The following ARHGEF7 variants were observed in gnomAD, a reference collection of about 807,000 sequenced individuals.
ARHGEF7 encodes PAK-interacting exchange factor beta.
A neutral mutation model predicts 109.8 loss-of-function variants in ARHGEF7; 33 were observed. The observed-to-expected ratio is 0.30, with a 90% CI of 0.23 to 0.40. The LOEUF (loss-of-function observed/expected upper bound fraction) is 0.40. Among genes scored for constraint, ARHGEF7 ranks in the 10% least tolerant of loss-of-function variants. The probability of loss-of-function intolerance (pLI) is 1.00; values close to 1 mark genes in which losing one functional copy is unlikely to be tolerated. For synonymous variants in ARHGEF7, 458 were observed against 424.6 expected (o/e 1.08, Z -0.97); for missense variants, 938 against 1,098.5 (o/e 0.85, Z 2.07).
At chr13:111,202,408 C>G (rs2081308560) in intron 2 of ARHGEF7, among the ~76,000 whole-genome samples, 1 of 152,168 alleles carries the variant, frequency 6.6e-6, no homozygotes, top group Non-Finnish European at 1.5e-5. Context: ...CCTTTTACAG[C>G]CCCCCAGGAG....
Position 111,115,436 on chromosome 13 carries a change from G to A in ARHGEF7, c.-91G>A. 1 of 804,870 alleles carries A rather than the reference G, an allele frequency of 1.2e-6. No homozygotes were observed. Among genetic ancestry groups the A allele is most frequent in the Non-Finnish European group, 1.5e-6 (1 of 667,452 alleles). The allele number at this position is 804,870 out of a possible 1,614,324, so 49.9% of individuals were successfully genotyped here. A position where few individuals can be genotyped will look rare whatever the true frequency, so the allele number is the denominator to read the frequency against. Reference sequence around the variant, plus strand: ...CGGCGCCGGCCGCTCGATGGGCGAGGCGGCGGCGGCGGCGGCGGGGGCCGC... The same window carrying A: ...CGGCGCCGGCCGCTCGATGGGCGAGACGGCGGCGGCGGCGGCGGGGGCCGC... On this transcript the variant is annotated 5_prime_UTR_variant, in exon 1 of 22. Coordinates refer to ENST00000646102, the MANE Select transcript of ARHGEF7 (RefSeq NM_001354046.2).
chr13:111,208,838 G>A (rs1333556716), intron 3 of ARHGEF7, among the ~76,000 whole-genome samples: 5 of 152,282 alleles, frequency 3.3e-5, no homozygotes, highest in South Asian at 2.1e-4. Flanking sequence ...GGCAGGTGGC[G>A]TGAAGGGAGG....
chr13:111,276,390 C>T (rs144374933), intron 12 of ARHGEF7, among the ~76,000 whole-genome samples: 1,599 of 152,320 alleles, frequency 0.01, 15 homozygotes, highest in Non-Finnish European at 0.018. Context: ...TTCCTTTCCA[C>T]CTGTAAAATA....
Position 111,277,445 on chromosome 13 carries a change from A to G in ARHGEF7, c.1420-142A>G. 2 of 591,216 alleles carry G rather than the reference A, an allele frequency of 3.4e-6. 1 individual carries two copies. The highest frequency in any genetic ancestry group is 4.4e-5 in the South Asian group (2 of 45,362). The allele number at this position is 591,216 out of a possible 1,614,324, so 36.6% of individuals were successfully genotyped here. On this transcript the variant is annotated intron_variant, in intron 12 of 21. Coordinates refer to ENST00000646102, the MANE Select transcript of ARHGEF7 (RefSeq NM_001354046.2). ...TAATTGTTTCCATTTAATTTACCTG[A>G]TAAAACTTGATAGAAATACCTAAAC...
chr13:111,202,265 G>A (rs139077397), intron 2 of ARHGEF7, among the ~76,000 whole-genome samples: 2 of 152,350 alleles, frequency 1.3e-5, no homozygotes, highest in Non-Finnish European at 2.9e-5. Context: ...CTTCAGCTGG[G>A]CAGGATTCCT....
At chr13:111,124,791 A>G (rs1363712416) in intron 1 of ARHGEF7, among the ~76,000 whole-genome samples, 2 of 151,368 alleles carry the variant, frequency 1.3e-5, no homozygotes, top group Non-Finnish European at 2.9e-5. Context: ...ACAGAATCTC[A>G]CTCTGTCACC....
chr13:111,239,424 T>C lies in ARHGEF7; in HGVS notation c.760-4448T>C, dbSNP rs924430449. Among the ~76,000 whole-genome samples, 1 of 152,162 alleles carries C rather than the reference T, an allele frequency of 6.6e-6. No individual in the cohort carries two copies. Among genetic ancestry groups the C allele is most frequent in the African/African-American group, 2.4e-5 (1 of 41,448 alleles). ...ACCTGTCTTTTCCTCCCTGCTCCTT[T>C]AGTTTGCGATGGCCTTCAGATGCCA... On this transcript the variant is annotated intron_variant, in intron 6 of 21. Coordinates refer to ENST00000646102, the MANE Select transcript of ARHGEF7 (RefSeq NM_001354046.2). The surrounding 1 kb of genome is among the most constrained non-coding windows in gnomAD (Gnocchi z 4.3).
chr13:111,242,676 G>A (rs752539388), intron 6 of ARHGEF7, among the ~76,000 whole-genome samples: 3 of 152,218 alleles, frequency 2.0e-5, no homozygotes, highest in African/African-American at 7.2e-5. Context: ...GATCCTCAGC[G>A]TGCTCCTCAG....
intron 5 of ARHGEF7, among the ~76,000 whole-genome samples, chr13:111,220,348 A>T (rs1274850937): frequency 6.6e-6 from 1 of 152,182 alleles, no homozygotes; most frequent in African/African-American, 2.4e-5. Flanking sequence ...GGTCTTTCTG[A>T]CTTTCTTTAA....
At chr13:111,284,132 G>A (rs2092915235) in intron 16 of ARHGEF7, among the ~76,000 whole-genome samples, 1 of 152,110 alleles carries the variant, frequency 6.6e-6, no homozygotes, top group African/African-American at 2.4e-5. Flanking sequence ...AGGAGTGGCG[G>A]TGAGAGTGTG....
At chr13:111,236,966 T>C (rs535956187) in intron 6 of ARHGEF7, among the ~76,000 whole-genome samples, 48 of 152,214 alleles carry the variant, frequency 3.2e-4, no homozygotes, top group African/African-American at 9.6e-4. Context: ...ATTGTGTCCC[T>C]AAAAAACCAA....
At chr13:111,277,104 C>A (rs1241833508) in intron 12 of ARHGEF7, among the ~76,000 whole-genome samples, 1 of 152,176 alleles carries the variant, frequency 6.6e-6, no homozygotes, top group Non-Finnish European at 1.5e-5. Flanking sequence ...TTGATTTTAA[C>A]ATTTTATCCT....
intron 18 of ARHGEF7, among the ~76,000 whole-genome samples, chr13:111,290,463 T>C (rs938814219): frequency 6.6e-6 from 1 of 152,230 alleles, no homozygotes; most frequent in African/African-American, 2.4e-5. Context: ...TGCCATCTTA[T>C]ATCAGGGACT....
chr13:111,293,236 T>A, intron 19 of ARHGEF7: 1 of 985,406 alleles, frequency 1.0e-6, no homozygotes, highest in South Asian at 4.7e-5. Context: ...GTGCTGTGGC[T>A]TCAGTTCCCC....
intron 10 of ARHGEF7, among the ~76,000 whole-genome samples, chr13:111,274,506 G>A (rs904185490): frequency 2.0e-5 from 3 of 152,154 alleles, no homozygotes; most frequent in Non-Finnish European, 4.4e-5. Flanking sequence ...GCAAGTGTTG[G>A]CTTCCCCACC....
At chr13:111,148,917 G>A (rs1291771177) in intron 1 of ARHGEF7, among the ~76,000 whole-genome samples, 1 of 152,162 alleles carries the variant, frequency 6.6e-6, no homozygotes, top group East Asian at 1.9e-4. Flanking sequence ...AGACTTCAAA[G>A]AGTTAAGATA....
chr13:111,251,843 C>T (rs1378924960), intron 8 of ARHGEF7, among the ~76,000 whole-genome samples: 1 of 152,214 alleles, frequency 6.6e-6, no homozygotes, highest in Non-Finnish European at 1.5e-5. Context: ...GTGTGGGTCA[C>T]CACCTTCACA....
chr13:111,151,965 T>G (rs2075909474), intron 1 of ARHGEF7, among the ~76,000 whole-genome samples: 1 of 152,180 alleles, frequency 6.6e-6, no homozygotes, highest in South Asian at 2.1e-4. Flanking sequence ...CTGTTCTGCT[T>G]GTGTCCATAT....
rs375301137 is a variant in ARHGEF7, at chr13:111,292,227, C to T, written c.2244C>T (p.Asp748=). Residue 748 remains aspartate, a synonymous_variant, in exon 19 of 22, where the codon GAC becomes GAT. Transcript: ENST00000646102. ...GCCTTTCTCGTTTGGAGCCTTCAGACCTCTCGGAAGACTCTGACTATGACA... is the reference window on the plus strand; with the variant it reads ...GCCTTTCTCGTTTGGAGCCTTCAGATCTCTCGGAAGACTCTGACTATGACA... ...RSSLSRLEPS[D]LSEDSDYDSI... The T allele has an allele frequency of 1.2e-6, 2 of 1,614,216 alleles. No homozygotes were observed. Among genetic ancestry groups the T allele is most frequent in the Non-Finnish European group, 1.7e-6 (2 of 1,180,032 alleles).
Sources: allele counts gnomAD v4.1 joint callset (sites outside exome capture counted in the v4.1 genomes callset), GRCh38; gene constraint gnomAD v4.1.1; non-coding constraint Gnocchi (gnomAD v3.1); transcripts MANE v1.5; gene names NCBI Gene and HGNC (gene_info 2026-07-23, HGNC 2026-07-21).